Variants in PCDH15 observed in about 807,000 individuals in gnomAD.
The protein encoded by PCDH15 is protocadherin related 15.
PCDH15 carries 129 observed loss-of-function variants against 178.5 expected under a neutral mutation model. That is an observed-to-expected ratio of 0.72 (90% CI 0.63 to 0.84). The LOEUF (loss-of-function observed/expected upper bound fraction) is 0.84, where lower values mean the gene tolerates loss of function less well. PCDH15 is among the 40% of genes least tolerant of loss of function. PCDH15 has a pLI of 0.00. For synonymous variants in PCDH15, 800 were observed against 732.0 expected (o/e 1.09, Z -1.50); for missense variants, 2,230 against 2,099.9 (o/e 1.06, Z -1.21).
At chr10:55,071,133 A>G (rs930564222) in intron 2 of PCDH15, among the ~76,000 whole-genome samples, 2 of 152,198 alleles carry the variant, frequency 1.3e-5, no homozygotes, top group Non-Finnish European at 2.9e-5. Context: ...AGTACCAGCC[A>G]CTGCAAAATC....
intron 2 of PCDH15, among the ~76,000 whole-genome samples, chr10:55,146,203 A>T (rs111560409): frequency 0.011 from 1,639 of 152,104 alleles, 28 homozygotes; most frequent in African/African-American, 0.038. Context: ...TATAACTTAG[A>T]TTAACTTGCA....
Position 54,552,386 on chromosome 10 carries a change from T to C in PCDH15, c.92-24509A>G, listed in dbSNP as rs138831189. Among the ~76,000 whole-genome samples the C allele has an allele frequency of 6.8e-3, 1,037 of 152,276 alleles. 5 individuals are homozygous for C. Among genetic ancestry groups the C allele is most frequent in the Non-Finnish European group, 0.011 (763 of 67,996 alleles). ...GTGATACTCTTTGTAAATGATAGTA[T>C]GAGAATTAAGCCTTTATTTAAAACT... On this transcript the variant is annotated intron_variant, in intron 2 of 37. Coordinates refer to ENST00000644397, the MANE Select transcript of PCDH15 (RefSeq NM_001384140.1).
intron 22 of PCDH15, among the ~76,000 whole-genome samples, chr10:53,960,480 G>A (rs1293754180): frequency 1.3e-5 from 2 of 152,172 alleles, no homozygotes; most frequent in Non-Finnish European, 2.9e-5. Context: ...AAGCTTTAGT[G>A]TTGAGATGTG....
At chr10:54,433,622 G>A (rs2075167823) in intron 3 of PCDH15, among the ~76,000 whole-genome samples, 2 of 152,024 alleles carry the variant, frequency 1.3e-5, no homozygotes, top group African/African-American at 4.8e-5. Context: ...ACAAAACCTA[G>A]TATTTGGTAG....
chr10:53,913,617 G>A (rs540885823), intron 25 of PCDH15, among the ~76,000 whole-genome samples: 14 of 151,534 alleles, frequency 9.2e-5, no homozygotes, highest in African/African-American at 2.2e-4. Flanking sequence ...TGTGGTGGGC[G>A]TCTGTATTCC....
chr10:54,442,459 T>TATATATACAC (rs1469736625), intron 3 of PCDH15, among the ~76,000 whole-genome samples: 5 of 93,464 alleles, frequency 5.3e-5, no homozygotes, highest in African/African-American at 2.4e-4. Context: ...TATATATATA[T>TATATATACAC]ACAGTCTTTT....
At chr10:54,933,770 A>G (rs1468832483) in intron 2 of PCDH15, among the ~76,000 whole-genome samples, 1 of 152,146 alleles carries the variant, frequency 6.6e-6, no homozygotes, top group Non-Finnish European at 1.5e-5. Context: ...AAACTTTATC[A>G]GTGAAAAACT....
chr10:54,250,361 C>G (rs949277906), intron 8 of PCDH15, among the ~76,000 whole-genome samples: 1 of 147,076 alleles, frequency 6.8e-6, no homozygotes, highest in South Asian at 2.1e-4. Flanking sequence ...CGGCTCACTG[C>G]AAGCTCTGCC....
chr10:54,157,272 G>T (rs1051869819), intron 13 of PCDH15, among the ~76,000 whole-genome samples: 4 of 152,226 alleles, frequency 2.6e-5, no homozygotes, highest in Admixed American at 6.5e-5. Context: ...GCAAACTTTT[G>T]TCTGGGCAAC....
intron 17 of PCDH15, among the ~76,000 whole-genome samples, chr10:54,070,772 T>A (rs767131895): frequency 6.6e-6 from 1 of 151,928 alleles, no homozygotes; most frequent in Non-Finnish European, 1.5e-5. Context: ...ATTTCTTTAT[T>A]TTATTTTTGT....
chr10:54,566,442 T>C (rs966886104), intron 2 of PCDH15, among the ~76,000 whole-genome samples: 2 of 152,172 alleles, frequency 1.3e-5, no homozygotes, highest in South Asian at 2.1e-4. Flanking sequence ...CATTATAGTA[T>C]CATACAGACT....
chr10:55,064,125 T>C (rs1356757073), intron 2 of PCDH15, among the ~76,000 whole-genome samples: 4 of 152,102 alleles, frequency 2.6e-5, no homozygotes, highest in Non-Finnish European at 5.9e-5. Context: ...TCACCATAAA[T>C]ACATATGGAA....
chr10:55,034,967 C>T (rs2131970312), intron 2 of PCDH15, among the ~76,000 whole-genome samples: 1 of 152,202 alleles, frequency 6.6e-6, no homozygotes, highest in East Asian at 1.9e-4. Flanking sequence ...ATAATAATAG[C>T]CAGTTTCTCT....
intron 2 of PCDH15, among the ~76,000 whole-genome samples, chr10:54,609,524 A>G (rs1482053462): frequency 6.6e-6 from 1 of 152,042 alleles, no homozygotes; most frequent in East Asian, 1.9e-4. Flanking sequence ...ATAGCTTGCA[A>G]TCTATGGTGC....
chr10:53,978,996 T>A (rs1279990789), intron 21 of PCDH15, among the ~76,000 whole-genome samples: 3 of 152,286 alleles, frequency 2.0e-5, no homozygotes, highest in South Asian at 4.1e-4. Context: ...CATCTTCTTG[T>A]CTTCTTCTGA....
chr10:53,888,300 A>G (rs1356998793), intron 26 of PCDH15, among the ~76,000 whole-genome samples: 5 of 82,018 alleles, frequency 6.1e-5, no homozygotes, highest in Admixed American at 1.7e-4. Context: ...ACATATATAT[A>G]TATATATATG....
intron 28 of PCDH15, among the ~76,000 whole-genome samples, chr10:53,848,883 C>T (rs1428793835): frequency 6.6e-6 from 1 of 151,888 alleles, no homozygotes; most frequent in Non-Finnish European, 1.5e-5. Flanking sequence ...TTTCATAGTG[C>T]AAATAAAGGC....
intron 3 of PCDH15, among the ~76,000 whole-genome samples, chr10:54,454,644 G>A (rs376845883): frequency 2.0e-5 from 3 of 151,716 alleles, no homozygotes; most frequent in African/African-American, 7.3e-5. Flanking sequence ...TAATTACACG[G>A]GTAAAAAGAA....
intron 3 of PCDH15, among the ~76,000 whole-genome samples, chr10:54,449,370 A>AAC (rs1280604697): frequency 6.6e-6 from 1 of 151,812 alleles, no homozygotes; most frequent in African/African-American, 2.4e-5. Context: ...AAGTAAAAAC[A>AAC]ACACACACAC....
Sources: allele counts gnomAD v4.1 joint callset (sites outside exome capture counted in the v4.1 genomes callset), GRCh38; gene constraint gnomAD v4.1.1; transcripts MANE v1.5; gene names NCBI Gene and HGNC (gene_info 2026-07-23, HGNC 2026-07-21).